The following SOX5 variants were observed in gnomAD, a reference collection of about 807,000 sequenced individuals.
SOX5 encodes the protein SRY-box transcription factor 5.
Under a neutral mutation model 92.0 loss-of-function variants are expected in SOX5, and 9 were observed. The observed-to-expected ratio is 0.10, with a 90% confidence interval of 0.06 to 0.17. The LOEUF (loss-of-function observed/expected upper bound fraction) is 0.17. SOX5 is among the 10% of genes least tolerant of loss of function. The probability of loss-of-function intolerance (pLI) is 1.00; values close to 1 mark genes in which losing one functional copy is unlikely to be tolerated. For missense variants in SOX5, 642 were observed against 944.5 expected (o/e 0.68, Z 4.20); for synonymous variants, 344 against 336.3 (o/e 1.02, Z -0.25).
intron 1 of SOX5, among the ~76,000 whole-genome samples, chr12:23,923,942 A>G (rs1939205437): frequency 6.6e-6 from 1 of 152,176 alleles, no homozygotes; most frequent in African/African-American, 2.4e-5. Flanking sequence ...TTAGGACTTC[A>G]ATGACATTTT....
intron 4 of SOX5, among the ~76,000 whole-genome samples, chr12:24,134,596 A>G (rs1425403346): frequency 6.6e-6 from 1 of 152,148 alleles, no homozygotes; most frequent in African/African-American, 2.4e-5. Flanking sequence ...AACCAAAGAC[A>G]TTTGAGAGAG....
chr12:24,106,850 A>G lies in SOX5; in HGVS notation c.-2+106493T>C, dbSNP rs150167551. Among the ~76,000 whole-genome samples, 896 of 149,494 alleles carry G rather than the reference A, an allele frequency of 6.0e-3. 7 individuals carry two copies. The highest frequency in any genetic ancestry group is 0.032 in the South Asian group (152 of 4,754). ...AATAATAATAATAATAAATAGAAGC[A>G]TATTAGAACTCATTTAAGATTCCAA... On this transcript the variant is annotated intron_variant, in intron 4 of 4. Coordinates refer to the SOX5 transcript ENST00000446891.
rs555649082 is a variant in SOX5 at position 24,444,372 on chromosome 12, T to C, written c.-250-75733A>G. On this transcript the variant is annotated intron_variant, in intron 1 of 4. Transcript: ENST00000446891. Reference sequence around the variant, plus strand: ...AAACTGAAGAAGCAGATAATCAGAATAGATACAGGACCTTGGAAAAGAACA... The same window carrying C: ...AAACTGAAGAAGCAGATAATCAGAACAGATACAGGACCTTGGAAAAGAACA... Among the ~76,000 whole-genome samples the C allele has an allele frequency of 2.4e-3, 365 of 152,010 alleles. 4 individuals are homozygous for C. Among genetic ancestry groups the C allele is most frequent in the African/African-American group, 8.3e-3 (345 of 41,450 alleles).
At chr12:23,979,658 C>A (rs112894786) in intron 4 of SOX5, among the ~76,000 whole-genome samples, 1 of 125,708 alleles carries the variant, frequency 8.0e-6, no homozygotes, top group Non-Finnish European at 1.7e-5. Context: ...CCTCACAAAT[C>A]GTTTCTCATT....
At chr12:23,615,132 T>G (rs2137880303) in intron 8 of SOX5, among the ~76,000 whole-genome samples, 1 of 152,258 alleles carries the variant, frequency 6.6e-6, no homozygotes, top group African/African-American at 2.4e-5. Context: ...GGTATTGTCT[T>G]TTTAATTATA....
chr12:23,667,394 T>C (rs889610201), intron 6 of SOX5, among the ~76,000 whole-genome samples: 1 of 152,202 alleles, frequency 6.6e-6, no homozygotes, highest in Non-Finnish European at 1.5e-5. Context: ...ATTAAATCTG[T>C]GCATTCTAAA....
At chr12:24,551,348 A>ACAAT (rs1953141927) in intron 1 of SOX5, among the ~76,000 whole-genome samples, 1 of 84 alleles carries the variant, frequency 0.012, no homozygotes, top group Non-Finnish European at 0.02. Flanking sequence ...TTGGTGACAG[A>ACAAT]CAATCAGATG....
intron 11 of SOX5, among the ~76,000 whole-genome samples, chr12:23,561,733 C>T (rs1398667923): frequency 6.7e-6 from 1 of 150,164 alleles, no homozygotes; most frequent in African/African-American, 2.5e-5. Context: ...AGGATTTGGT[C>T]GGTTGTCACT....
chr12:23,555,237 T>TATC (rs1047172251), intron 11 of SOX5, among the ~76,000 whole-genome samples: 16 of 152,240 alleles, frequency 1.1e-4, no homozygotes, highest in African/African-American at 3.9e-4. Flanking sequence ...TTTTCAAACT[T>TATC]ATCTTTTCAG....
intron 3 of SOX5, among the ~76,000 whole-genome samples, chr12:23,833,652 C>A (rs10842232): frequency 0.18 from 27,019 of 151,730 alleles, 3,358 homozygotes; most frequent in East Asian, 0.67. Flanking sequence ...AATTTTATAT[C>A]TTGGGTATTA....
chr12:24,002,107 A>T (rs902361170), intron 4 of SOX5, among the ~76,000 whole-genome samples: 1 of 152,188 alleles, frequency 6.6e-6, no homozygotes, highest in African/African-American at 2.4e-5. Context: ...AAATAAAAAA[A>T]GTTCTCAAAT....
chr12:24,095,152 G>GAGAGAGAGACAGAGAC (rs879260192), intron 4 of SOX5, among the ~76,000 whole-genome samples: 1 of 137,578 alleles, frequency 7.3e-6, no homozygotes, highest in Non-Finnish European at 1.6e-5. Context: ...GAGAGAGAGA[G>GAGAGAGAGACAGAGAC]AGAGACAGAG....
At chr12:23,729,137 C>A (rs897570507) in intron 6 of SOX5, among the ~76,000 whole-genome samples, 1 of 151,732 alleles carries the variant, frequency 6.6e-6, no homozygotes, top group South Asian at 2.1e-4. Flanking sequence ...ATGACTTTGG[C>A]AAAAATGTTT....
At position 23,739,435 on chromosome 12, in the gene SOX5, T is replaced by A. The variant is rs530969562; in HGVS notation, c.741+1432A>T. Among the ~76,000 whole-genome samples the A allele has an allele frequency of 6.4e-4, 98 of 152,272 alleles. 2 individuals carry two copies. The highest frequency in any genetic ancestry group is 2.0e-3 in the African/African-American group (85 of 41,572). ...TACTCTTCAAGGCCAACAATGAGAATCTAAATGAAAAATCTAGTAGTTTCA... is the reference window on the plus strand; with the variant it reads ...TACTCTTCAAGGCCAACAATGAGAAACTAAATGAAAAATCTAGTAGTTTCA... On this transcript the variant is annotated intron_variant, in intron 5 of 14. Coordinates refer to ENST00000451604, the MANE Select transcript of SOX5 (RefSeq NM_006940.6).
intron 1 of SOX5, among the ~76,000 whole-genome samples, chr12:23,908,476 C>T (rs900717956): frequency 2.0e-5 from 3 of 151,846 alleles, no homozygotes; most frequent in Non-Finnish European, 4.4e-5. Context: ...TTTCCATGCC[C>T]CATACAGACT....
intron 6 of SOX5, among the ~76,000 whole-genome samples, chr12:23,722,059 C>G (rs2092848501): frequency 6.6e-6 from 1 of 152,088 alleles, no homozygotes; most frequent in African/African-American, 2.4e-5. Context: ...AATACACAGA[C>G]AAAATATTTT....
intron 4 of SOX5, among the ~76,000 whole-genome samples, chr12:23,973,463 T>C (rs1948581084): frequency 6.6e-6 from 1 of 152,128 alleles, no homozygotes; most frequent in South Asian, 2.1e-4. Flanking sequence ...CCAGCCAGAA[T>C]TTCCATCTTT....
chr12:24,551,805 C>A (rs1315637702), intron 1 of SOX5, among the ~76,000 whole-genome samples: 2 of 152,206 alleles, frequency 1.3e-5, no homozygotes, highest in Non-Finnish European at 2.9e-5. Context: ...TCCTTTTCAG[C>A]CTACTCTTTC....
At chr12:24,251,551 C>G (rs1940041615) in intron 3 of SOX5, among the ~76,000 whole-genome samples, 3 of 150,840 alleles carry the variant, frequency 2.0e-5, no homozygotes, top group Admixed American at 2.0e-4. Context: ...TCCTATTGAA[C>G]TAGGATGGTT....
Sources: gnomAD v4.1 joint callset for allele counts (sites outside exome capture counted in the v4.1 genomes callset) on GRCh38, gnomAD v4.1.1 for gene constraint, MANE v1.5 for transcripts, NCBI Gene and HGNC (gene_info 2026-07-23, HGNC 2026-07-21) for gene names.